PRICKLE2: variants seen among roughly 807,000 people sequenced by gnomAD.
PRICKLE2 encodes prickle-like protein 2.
Under a neutral mutation model 81.4 loss-of-function variants are expected in PRICKLE2, and 21 were observed. The ratio of observed to expected loss-of-function variants is 0.26; its 90% CI spans 0.18 to 0.37. The LOEUF is 0.37. PRICKLE2 is among the 10% of genes least tolerant of loss of function. The pLI, the probability that PRICKLE2 is intolerant of heterozygous loss-of-function variation, is 1.00. For missense variants in PRICKLE2, 940 were observed against 1,109.0 expected (o/e 0.85, Z 2.16); for synonymous variants, 456 against 421.5 (o/e 1.08, Z -1.00).
At chr3:64,166,801 T>A (rs2077841048) in intron 2 of PRICKLE2, among the ~76,000 whole-genome samples, 3 of 152,212 alleles carry the variant, frequency 2.0e-5, no homozygotes, top group South Asian at 2.1e-4. Flanking sequence ...GAGAATGATT[T>A]AGTCCTTTCA....
intron 7 of PRICKLE2, among the ~76,000 whole-genome samples, chr3:64,144,070 T>C (rs2077405738): frequency 6.6e-6 from 1 of 152,154 alleles, no homozygotes; most frequent in Non-Finnish European, 1.5e-5. Flanking sequence ...ACCCACTGCA[T>C]GGACAAGCTA....
chr3:64,129,782 G>C (rs1208002525), intron 7 of PRICKLE2, among the ~76,000 whole-genome samples: 1 of 152,264 alleles, frequency 6.6e-6, no homozygotes, highest in Admixed American at 6.5e-5. Flanking sequence ...CTGCTGGGGG[G>C]TGCCACAGGG....
chr3:64,099,270 A>G lies in PRICKLE2; in HGVS notation c.2316T>C (p.Tyr772=), dbSNP rs756367249. Residue 772 remains tyrosine, a synonymous_variant, in exon 8 of 8, where the codon TAT becomes TAC. Transcript: ENST00000638394. This position sits in a 1 kb window ranked among gnomAD's most constrained non-coding sequence, Gnocchi z 4.3. Reference sequence around the variant, plus strand: ...AGGAGGAGCAGGTGGAACACCAATCATACTCGGCGAAGTAGGGTCCCCAGC... The same window carrying G: ...AGGAGGAGCAGGTGGAACACCAATCGTACTCGGCGAAGTAGGGTCCCCAGC... ...GDRWGPYFAE[Y]DWCSTCSSSS... The G allele has an allele frequency of 7.4e-6, 12 of 1,614,046 alleles. No homozygotes were observed. In the East Asian group the frequency reaches 2.0e-4, roughly 27 times the overall value.
intron 2 of PRICKLE2, among the ~76,000 whole-genome samples, chr3:64,240,202 G>C (rs2079243678): frequency 6.6e-6 from 1 of 151,996 alleles, no homozygotes; most frequent in African/African-American, 2.4e-5. Flanking sequence ...TGATATAAGG[G>C]ACACCTGGGT....
In PRICKLE2 at chr3:64,180,222, G is replaced by A. The variant is rs914565730; in HGVS notation, c.145-17093C>T. ...GTGCAAGAGAAGTTAATGTGCCCAGGTTCATCCTCAACAAAGACCATGTGG... is the reference window on the plus strand; with the variant it reads ...GTGCAAGAGAAGTTAATGTGCCCAGATTCATCCTCAACAAAGACCATGTGG... On this transcript the variant is annotated intron_variant, in intron 2 of 7. Transcript: ENST00000638394. Among the ~76,000 whole-genome samples, 5 of 152,302 alleles carry A rather than the reference G, an allele frequency of 3.3e-5. No homozygotes were observed. The East Asian group carries it at 9.6e-4, about 29-fold the overall frequency.
chr3:64,122,505 T>A (rs1175337118), intron 7 of PRICKLE2, among the ~76,000 whole-genome samples: 1 of 152,174 alleles, frequency 6.6e-6, no homozygotes, highest in Non-Finnish European at 1.5e-5. Flanking sequence ...TTGATGCCTT[T>A]AAAGATCCAA....
chr3:64,124,185 T>G (rs2106972774), intron 7 of PRICKLE2, among the ~76,000 whole-genome samples: 1 of 152,330 alleles, frequency 6.6e-6, no homozygotes, highest in East Asian at 1.9e-4. Flanking sequence ...CAACATTCCT[T>G]TAAGTCAAAG....
chr3:64,222,119 C>T (rs943272634), intron 1 of PRICKLE2, among the ~76,000 whole-genome samples: 2 of 152,162 alleles, frequency 1.3e-5, no homozygotes, highest in African/African-American at 4.8e-5. Context: ...TGGGCAAGGG[C>T]ATTATAGCCG....
At chr3:64,135,221 A>G (rs1405944828) in intron 7 of PRICKLE2, among the ~76,000 whole-genome samples, 2 of 152,228 alleles carry the variant, frequency 1.3e-5, no homozygotes, top group African/African-American at 4.8e-5. Flanking sequence ...AAAGACTCAG[A>G]TAACAGAAAC....
intron 2 of PRICKLE2, among the ~76,000 whole-genome samples, chr3:64,234,678 T>C (rs1308957010): frequency 6.6e-6 from 1 of 152,172 alleles, no homozygotes; most frequent in African/African-American, 2.4e-5. Context: ...CGTTTATCTA[T>C]TTTTTCTTTT....
intron 2 of PRICKLE2, among the ~76,000 whole-genome samples, chr3:64,246,385 G>A (rs2079354275): frequency 6.6e-6 from 1 of 152,172 alleles, no homozygotes; most frequent in Non-Finnish European, 1.5e-5. Context: ...AAACTTTAGT[G>A]ATCTTCTCAG....
At chr3:64,178,088 C>T (rs1031954313) in intron 2 of PRICKLE2, among the ~76,000 whole-genome samples, 1 of 152,136 alleles carries the variant, frequency 6.6e-6, no homozygotes, top group African/African-American at 2.4e-5. Context: ...AAAATTATAA[C>T]CATCTTAGTA....
At chr3:64,108,335 G>A (rs984440499) in intron 7 of PRICKLE2, among the ~76,000 whole-genome samples, 1 of 152,178 alleles carries the variant, frequency 6.6e-6, no homozygotes. Flanking sequence ...AAGCATGTGT[G>A]GCGGTAGCTT....
At chr3:64,152,979 T>C (rs1215634086) in intron 6 of PRICKLE2, among the ~76,000 whole-genome samples, 1 of 152,194 alleles carries the variant, frequency 6.6e-6, no homozygotes. Context: ...AAATCGGTTT[T>C]GTCTGAACCC....
chr3:64,243,664 T>G (rs1164239370), intron 2 of PRICKLE2, among the ~76,000 whole-genome samples: 1 of 152,194 alleles, frequency 6.6e-6, no homozygotes, highest in Non-Finnish European at 1.5e-5. Context: ...AAGGAGATTA[T>G]GCAGATGAAG....
intron 2 of PRICKLE2, among the ~76,000 whole-genome samples, chr3:64,180,952 C>T (rs1444225678): frequency 6.6e-6 from 1 of 152,120 alleles, no homozygotes; most frequent in Admixed American, 6.6e-5. Flanking sequence ...ACATTTAAGT[C>T]CTTTCATAAG....
At chr3:64,118,233 T>C (rs549307187) in intron 7 of PRICKLE2, among the ~76,000 whole-genome samples, 1 of 152,166 alleles carries the variant, frequency 6.6e-6, no homozygotes, top group African/African-American at 2.4e-5. Flanking sequence ...AAACCTAAAC[T>C]ATAAAAACCT....
intron 5 of PRICKLE2, 37 bp downstream of exon 5, chr3:64,157,125 G>GT: frequency 6.3e-7 from 1 of 1,581,600 alleles, no homozygotes; most frequent in Non-Finnish European, 8.7e-7. Context: ...CAATGAAGGG[G>GT]TGATGGGCAG....
intron 2 of PRICKLE2, among the ~76,000 whole-genome samples, chr3:64,248,522 G>C (rs1457501668): frequency 1.3e-5 from 2 of 152,088 alleles, no homozygotes; most frequent in Non-Finnish European, 2.9e-5. Context: ...CTGTCAAGAA[G>C]GTGGTGACTT....
Sources: gnomAD v4.1 joint callset for allele counts (sites outside exome capture counted in the v4.1 genomes callset) on GRCh38, gnomAD v4.1.1 for gene constraint, Gnocchi (gnomAD v3.1) non-coding constraint, MANE v1.5 for transcripts, NCBI Gene and HGNC (gene_info 2026-07-23, HGNC 2026-07-21) for gene names.